HGD: variants seen among roughly 807,000 people sequenced by gnomAD.
HGD encodes homogentisate 1,2-dioxygenase.
HGD carries 61 observed loss-of-function variants against 60.8 expected under a neutral mutation model. That is an observed-to-expected ratio of 1.00 (90% CI 0.82 to 1.24). The LOEUF is 1.24. Ranked by LOEUF, HGD falls within the 50% of genes most tolerant of loss-of-function variation. The pLI is 0.00. For missense variants in HGD, 542 were observed against 547.1 expected (o/e 0.99, Z 0.09); for synonymous variants, 212 against 187.7 (o/e 1.13, Z -1.06).
rs1576284814 is a variant in HGD at position 120,633,468 on chromosome 3, A to G, written c.1007-140T>C. On this transcript the variant is annotated intron_variant, in intron 12 of 13. Coordinates refer to ENST00000283871, the MANE Select transcript of HGD (RefSeq NM_000187.4). The stretch of plus-strand genomic sequence containing the variant: ...TGTATAGGATTAATAAAGAATATGG[A>G]TTGACAGAAGAACAATCATAAAACA... The G allele has an allele frequency of 2.6e-6, 4 of 1,551,144 alleles. No individual in the cohort carries two copies. In the Admixed American group the frequency reaches 5.7e-5, roughly 22 times the overall value.
chr3:120,670,539 G>A lies in HGD; in HGVS notation c.177-7C>T. The A allele has an allele frequency of 6.8e-7, 1 of 1,477,492 alleles. No individual in the cohort carries two copies. The highest frequency in any genetic ancestry group is 9.5e-7 in the Non-Finnish European group (1 of 1,055,610). 91.5% of individuals were successfully genotyped at this position (1,477,492 alleles called of 1,614,324 possible). A position where few individuals can be genotyped will look rare whatever the true frequency, so the allele number is the denominator to read the frequency against. On this transcript the variant is annotated splice_polypyrimidine_tract_variant and splice_region_variant and intron_variant, in intron 3 of 13. Coordinates refer to ENST00000283871, the MANE Select transcript of HGD (RefSeq NM_000187.4). ...TAGAATCCTATACAGCCAGCTAGAG[G>A]GAAAAACATACAAGATATACAAGCC...
At chr3:120,670,713 C>A (rs905339440) in intron 3 of HGD, among the ~76,000 whole-genome samples, 181 bp from the exon 4 acceptor site, 3 of 152,306 alleles carry the variant, frequency 2.0e-5, no homozygotes, top group Admixed American at 2.0e-4. Context: ...CTGCCCACAG[C>A]CCTGGCCTCT....
intron 4 of HGD, among the ~76,000 whole-genome samples, 171 bp from the exon 5 acceptor site, chr3:120,652,822 T>A (rs1034770290): frequency 6.6e-6 from 1 of 152,228 alleles, no homozygotes; most frequent in African/African-American, 2.4e-5. Flanking sequence ...TTAAAGGGAC[T>A]CTGTTAGTGT....
In HGD at chr3:120,650,809, G is replaced by A. The variant is rs1430826487; in HGVS notation, c.399C>T (p.Ile133=). ...TGGAGGTATTGCAGAGGAAAATGTG[G>A]ATAGCAAGCCCATTGTTAGACTTTA... The part of the protein sequence containing the change: ...GDIKSNNGLA[I]HIFLCNTSME... The change falls in exon 6 of 14, where the codon ATC becomes ATT. Residue 133 remains isoleucine, a synonymous_variant. Coordinates refer to ENST00000283871, the MANE Select transcript of HGD (RefSeq NM_000187.4). 6.2e-7 allele frequency: 1 copy of A among 1,614,110 alleles called. No homozygotes were observed. Among genetic ancestry groups the A allele is most frequent in the Non-Finnish European group, 8.5e-7 (1 of 1,179,932 alleles).
intron 9 of HGD, among the ~76,000 whole-genome samples, chr3:120,646,048 C>G (rs892561648): frequency 6.6e-6 from 1 of 152,066 alleles, no homozygotes; most frequent in Non-Finnish European, 1.5e-5. Context: ...TCTCCAATGT[C>G]TGTATACTAT....
chr3:120,646,494 T>C (rs1941167795), intron 8 of HGD, 128 bp from the exon 9 acceptor site: 2 of 716,512 alleles, frequency 2.8e-6, no homozygotes. Flanking sequence ...GCTTGGGAGG[T>C]GACCAGAGCA....
chr3:120,674,283 G>A (rs1225042647), intron 3 of HGD, among the ~76,000 whole-genome samples: 1 of 152,182 alleles, frequency 6.6e-6, no homozygotes, highest in African/African-American at 2.4e-5. Context: ...CCTGATATGA[G>A]TTAATCAAGG....
At chr3:120,641,789 G>T in intron 10 of HGD, 96 bp from the exon 11 acceptor site, 1 of 851,986 alleles carries the variant, frequency 1.2e-6, no homozygotes, top group Non-Finnish European at 2.0e-6. Flanking sequence ...CTCTTCTTTT[G>T]ATTTGATTTT....
intron 4 of HGD, among the ~76,000 whole-genome samples, chr3:120,662,751 G>A (rs1193568763): frequency 1.3e-5 from 2 of 152,092 alleles, no homozygotes; most frequent in Non-Finnish European, 2.9e-5. Context: ...ATCCTTAGTA[G>A]ATATTTAGAG....
At chr3:120,657,061 A>C (rs1471321362) in intron 4 of HGD, among the ~76,000 whole-genome samples, 1 of 152,142 alleles carries the variant, frequency 6.6e-6, no homozygotes, top group East Asian at 1.9e-4. Context: ...TTGTTCTATC[A>C]ACTGTTGAGA....
At chr3:120,630,860 A>ACACG (rs1384822672) in intron 13 of HGD, among the ~76,000 whole-genome samples, 3 of 148,982 alleles carry the variant, frequency 2.0e-5, no homozygotes, top group African/African-American at 7.5e-5. Context: ...ACACACACAC[A>ACACG]CACACACACA....
chr3:120,643,251 G>A (rs150424913), intron 10 of HGD, among the ~76,000 whole-genome samples: 1 of 152,268 alleles, frequency 6.6e-6, no homozygotes, highest in Admixed American at 6.5e-5. Context: ...AGCCTCCCAA[G>A]TAGCTAGGAT....
chr3:120,650,743 G>A (rs1185966497), intron 6 of HGD, 31 bp downstream of exon 6: 4 of 1,527,454 alleles, frequency 2.6e-6, no homozygotes, highest in Non-Finnish European at 3.6e-6. Context: ...TAGAAGATGG[G>A]CATGTCCTTC....
At chr3:120,652,857 CAT>C (rs1015285635) in intron 4 of HGD, among the ~76,000 whole-genome samples, 35 of 152,314 alleles carry the variant, frequency 2.3e-4, no homozygotes, top group Non-Finnish European at 3.8e-4. Flanking sequence ...CGTGCACACA[CAT>C]GTTTGTGTGT....
intron 13 of HGD, among the ~76,000 whole-genome samples, chr3:120,629,266 T>G (rs1940511064): frequency 6.6e-6 from 1 of 152,130 alleles, no homozygotes; most frequent in Non-Finnish European, 1.5e-5. Flanking sequence ...CACTGTGGCT[T>G]TAAAAACAAA....
chr3:120,646,828 A>T, intron 8 of HGD, 145 bp downstream of exon 8: 1 of 752,148 alleles, frequency 1.3e-6, no homozygotes, highest in Non-Finnish European at 2.4e-6. Flanking sequence ...TCTTCAGCAC[A>T]TGGAACCTTC....
At chr3:120,638,106 C>T (rs1236650879) in intron 12 of HGD, among the ~76,000 whole-genome samples, 1 of 152,178 alleles carries the variant, frequency 6.6e-6, no homozygotes, top group East Asian at 1.9e-4. Context: ...TGCCAGCTTC[C>T]CTCTTGCCTG....
intron 10 of HGD, among the ~76,000 whole-genome samples, chr3:120,642,682 C>G (rs140439450): frequency 6.6e-6 from 1 of 152,324 alleles, no homozygotes; most frequent in East Asian, 1.9e-4. Flanking sequence ...TGAATCAGCT[C>G]CAGCCCACCA....
chr3:120,666,378 CA>C (rs1170740120), intron 4 of HGD, among the ~76,000 whole-genome samples: 1 of 152,028 alleles, frequency 6.6e-6, no homozygotes, highest in Non-Finnish European at 1.5e-5. Context: ...CCATTCTAAC[CA>C]TAGGTTAGAA....
Sources: gnomAD v4.1 joint callset for allele counts (sites outside exome capture counted in the v4.1 genomes callset) on GRCh38, gnomAD v4.1.1 for gene constraint, MANE v1.5 for transcripts, NCBI Gene and HGNC (gene_info 2026-07-23, HGNC 2026-07-21) for gene names.